The following PTPRR variants were observed in gnomAD, a reference collection of about 807,000 sequenced individuals.
PTPRR encodes protein tyrosine phosphatase receptor type R, also known as receptor-type tyrosine-protein phosphatase R.
In PTPRR, 38 loss-of-function variants were observed where a neutral mutation model predicts 77.2. That is an observed-to-expected ratio of 0.49 (90% CI 0.38 to 0.65). The LOEUF is 0.65. Ranked by LOEUF, PTPRR falls within the 30% of genes least tolerant of loss-of-function variation. The pLI, the probability that PTPRR is intolerant of heterozygous loss-of-function variation, is 0.00. For missense variants in PTPRR, 744 were observed against 799.2 expected (o/e 0.93, Z 0.83); for synonymous variants, 299 against 283.1 (o/e 1.06, Z -0.57).
At chr12:70,804,163 G>GTGTGTGTA (rs1891667364) in intron 2 of PTPRR, among the ~76,000 whole-genome samples, 1 of 151,576 alleles carries the variant, frequency 6.6e-6, no homozygotes, top group African/African-American at 2.4e-5. Flanking sequence ...GTGTGTGTGT[G>GTGTGTGTA]TGTGTGTGTG....
intron 1 of PTPRR, among the ~76,000 whole-genome samples, chr12:70,905,232 C>T (rs193235313): frequency 6.6e-6 from 1 of 151,652 alleles, no homozygotes; most frequent in East Asian, 1.9e-4. Context: ...TTGATGGTGT[C>T]TATATTTTCT....
At chr12:70,645,926 AT>A (rs1456735257) in intron 13 of PTPRR, among the ~76,000 whole-genome samples, 1 of 152,144 alleles carries the variant, frequency 6.6e-6, no homozygotes, top group Non-Finnish European at 1.5e-5. Flanking sequence ...ACATGTTAAA[AT>A]TTTGACCTTT....
At chr12:70,820,712 C>G (rs117944661) in intron 2 of PTPRR, among the ~76,000 whole-genome samples, 1 of 152,162 alleles carries the variant, frequency 6.6e-6, no homozygotes, top group African/African-American at 2.4e-5. Context: ...TCCTGTTAAG[C>G]CAGTTTAGAG....
intron 10 of PTPRR, among the ~76,000 whole-genome samples, chr12:70,670,872 A>C (rs1404764636): frequency 6.6e-6 from 1 of 152,166 alleles, no homozygotes; most frequent in Non-Finnish European, 1.5e-5. Flanking sequence ...CCAGCAATAA[A>C]ATCTCTTTAA....
intron 2 of PTPRR, among the ~76,000 whole-genome samples, chr12:70,827,687 A>G (rs1018502348): frequency 1.5e-5 from 2 of 131,742 alleles, no homozygotes; most frequent in Non-Finnish European, 3.1e-5. Context: ...ATGGGATTAT[A>G]GGTGCCTGCC....
At chr12:70,744,774 A>G (rs1175360394) in intron 6 of PTPRR, among the ~76,000 whole-genome samples, 1 of 152,206 alleles carries the variant, frequency 6.6e-6, no homozygotes, top group Non-Finnish European at 1.5e-5. Context: ...TAAGAGGAGA[A>G]TGAACCTGGG....
intron 5 of PTPRR, among the ~76,000 whole-genome samples, chr12:70,749,735 A>C (rs1327585635): frequency 6.6e-6 from 1 of 152,208 alleles, no homozygotes; most frequent in Admixed American, 6.5e-5. Context: ...TTTCCCTCCC[A>C]TATGGATGAC....
intron 6 of PTPRR, among the ~76,000 whole-genome samples, chr12:70,717,445 GA>G (rs1192842753): frequency 6.6e-6 from 1 of 152,088 alleles, no homozygotes; most frequent in African/African-American, 2.4e-5. Flanking sequence ...ATGAACTCAA[GA>G]AATACACAAA....
chr12:70,764,814 G>A (rs1890776882), intron 2 of PTPRR, 36 bp from the exon 3 acceptor site: 5 of 1,384,272 alleles, frequency 3.6e-6, no homozygotes, highest in Non-Finnish European at 2.1e-6. Context: ...CCAAATTATA[G>A]TATTAATTTG....
intron 2 of PTPRR, among the ~76,000 whole-genome samples, chr12:70,830,081 C>T (rs1329832465): frequency 1.3e-5 from 2 of 152,124 alleles, no homozygotes; most frequent in Non-Finnish European, 2.9e-5. Context: ...AAGGGAACAG[C>T]AAGACCTGAT....
intron 13 of PTPRR, among the ~76,000 whole-genome samples, chr12:70,648,549 C>T (rs2136649431): frequency 6.6e-6 from 1 of 152,276 alleles, no homozygotes; most frequent in Admixed American, 6.5e-5. Context: ...TAAGATATTT[C>T]TGGTTTTTAT....
intron 2 of PTPRR, among the ~76,000 whole-genome samples, chr12:70,778,609 C>T (rs1891138058): frequency 6.6e-6 from 1 of 152,164 alleles, no homozygotes; most frequent in Non-Finnish European, 1.5e-5. Context: ...CTAAAATTCT[C>T]TGAGGTCTGC....
At chr12:70,876,772 G>A (rs1236588234) in intron 2 of PTPRR, among the ~76,000 whole-genome samples, 1 of 152,124 alleles carries the variant, frequency 6.6e-6, no homozygotes, top group Non-Finnish European at 1.5e-5. Flanking sequence ...AACAGAAGTT[G>A]CTGATAATAT....
At chr12:70,727,362 G>T (rs1814022788) in intron 6 of PTPRR, among the ~76,000 whole-genome samples, 2 of 151,992 alleles carry the variant, frequency 1.3e-5, no homozygotes, top group Admixed American at 1.3e-4. Context: ...ATTGATTGAA[G>T]ACCTTAATTA....
At chr12:70,873,583 G>A (rs1292890560) in intron 2 of PTPRR, among the ~76,000 whole-genome samples, 1 of 152,140 alleles carries the variant, frequency 6.6e-6, no homozygotes, top group African/African-American at 2.4e-5. Flanking sequence ...CACTGTGGAT[G>A]AATCTATGGA....
chr12:70,766,786 G>A (rs1195473010), intron 2 of PTPRR, among the ~76,000 whole-genome samples: 2 of 152,100 alleles, frequency 1.3e-5, no homozygotes, highest in Non-Finnish European at 2.9e-5. Context: ...TACCCACAAC[G>A]GGAAGCCCAT....
intron 2 of PTPRR, among the ~76,000 whole-genome samples, chr12:70,846,375 C>T (rs1261815637): frequency 2.0e-5 from 3 of 151,986 alleles, no homozygotes; most frequent in Non-Finnish European, 4.4e-5. Flanking sequence ...CAGACATGGC[C>T]CAGAGGAAAT....
At chr12:70,818,519 C>A (rs1207666749) in intron 2 of PTPRR, among the ~76,000 whole-genome samples, 1 of 152,056 alleles carries the variant, frequency 6.6e-6, no homozygotes, top group Non-Finnish European at 1.5e-5. Context: ...TATTTGAGAT[C>A]ATTGCAGAAG....
intron 5 of PTPRR, among the ~76,000 whole-genome samples, chr12:70,749,132 C>G (rs1232763914): frequency 1.3e-5 from 2 of 152,024 alleles, no homozygotes; most frequent in Non-Finnish European, 2.9e-5. Flanking sequence ...TATATGTTCA[C>G]AAGACAGAGT....
Sources: allele counts gnomAD v4.1 joint callset (sites outside exome capture counted in the v4.1 genomes callset), GRCh38; gene constraint gnomAD v4.1.1; transcripts MANE v1.5; gene names NCBI Gene and HGNC (gene_info 2026-07-23, HGNC 2026-07-21).